MLLT3: variants seen among roughly 807,000 people sequenced by gnomAD.
MLLT3 encodes MLLT3 super elongation complex subunit.
A neutral mutation model predicts 53.2 loss-of-function variants in MLLT3; 4 were observed. The ratio of observed to expected loss-of-function variants is 0.08; its 90% CI spans 0.04 to 0.17. The LOEUF is 0.17. MLLT3 is among the 10% of genes least tolerant of loss of function. MLLT3 has a pLI of 1.00. For missense variants in MLLT3, 569 were observed against 684.0 expected, an observed-to-expected ratio of 0.83 and a Z score of 1.87; for synonymous variants, 283 against 230.6, an observed-to-expected ratio of 1.23 and a Z score of -2.06.
At chr9:20,549,101 C>T (rs1282201109) in intron 2 of MLLT3, among the ~76,000 whole-genome samples, 1 of 152,152 alleles carries the variant, frequency 6.6e-6, no homozygotes, top group African/African-American at 2.4e-5. Context: ...AGGCATTAGC[C>T]ATCACGCCCT....
rs1208848493 is a variant in MLLT3, at chr9:20,621,769, G to T, written c.12+476C>A. On this transcript the variant is annotated intron_variant, in intron 1 of 10. Transcript: ENST00000380338. The surrounding 1 kb of genome is among the most constrained non-coding windows in gnomAD (Gnocchi z 7.0). ...CTCACACACGCGCGCCGCGGAGAACGCACCATCGTAGCGGCCGCGGCGCTT... is the reference window on the plus strand; with the variant it reads ...CTCACACACGCGCGCCGCGGAGAACTCACCATCGTAGCGGCCGCGGCGCTT... The T allele has an allele frequency of 6.7e-7, 1 of 1,486,022 alleles. No homozygotes were observed. The highest frequency in any genetic ancestry group is 8.9e-7 in the Non-Finnish European group (1 of 1,126,778). 92.1% of individuals were successfully genotyped at this position (1,486,022 alleles called of 1,614,324 possible).
At chr9:20,518,678 T>G (rs1817977708) in intron 2 of MLLT3, among the ~76,000 whole-genome samples, 1 of 152,220 alleles carries the variant, frequency 6.6e-6, no homozygotes, top group Admixed American at 6.5e-5. Context: ...TCATGTACCA[T>G]GTACCCCTGA....
At position 20,622,322 on chromosome 9, in the gene MLLT3, C is replaced by T; in HGVS notation, c.-66G>A. The T allele has an allele frequency of 7.2e-7, 1 of 1,387,206 alleles. No individual in the cohort carries two copies. The highest frequency in any genetic ancestry group is 1.5e-5 in the African/African-American group (1 of 67,726). The allele number at this position is 1,387,206 out of a possible 1,614,324, so 85.9% of individuals were successfully genotyped here. A position where few individuals can be genotyped will look rare whatever the true frequency, so the allele number is the denominator to read the frequency against. On this transcript the variant is annotated 5_prime_UTR_variant, in exon 1 of 11. Coordinates refer to ENST00000380338, the MANE Select transcript of MLLT3 (RefSeq NM_004529.4). ...CCCCCCCTCCTCCGCCCCCCCTCAG[C>T]TGTAATTCATGAAGAGGCTGCTATG...
chr9:20,410,792 T>C (rs1423727251), intron 5 of MLLT3: 1 of 152,210 alleles, frequency 6.6e-6, no homozygotes, highest in Non-Finnish European at 1.5e-5. Context: ...AAAATGTTCA[T>C]CTTTTTAAAC....
intron 2 of MLLT3, among the ~76,000 whole-genome samples, chr9:20,527,884 G>T (rs987398162): frequency 6.6e-6 from 1 of 152,128 alleles, no homozygotes; most frequent in Admixed American, 6.5e-5. Flanking sequence ...ATCTTAAGGT[G>T]AACACATTAA....
chr9:20,614,131 A>T (rs913565864), intron 2 of MLLT3, among the ~76,000 whole-genome samples: 1 of 152,322 alleles, frequency 6.6e-6, no homozygotes, highest in East Asian at 1.9e-4. Context: ...GCGGTGCCTC[A>T]TGCCTGTAAT....
intron 2 of MLLT3, among the ~76,000 whole-genome samples, chr9:20,546,076 A>G (rs1238528722): frequency 1.3e-5 from 2 of 152,150 alleles, no homozygotes; most frequent in Non-Finnish European, 1.5e-5. Context: ...GATTATTTTC[A>G]TATTCAACAT....
At position 20,537,377 on chromosome 9, in the gene MLLT3, C is replaced by A. The variant is rs150797444; in HGVS notation, c.194-80591G>T. Among the ~76,000 whole-genome samples, 92 of 152,194 alleles carry A rather than the reference C, an allele frequency of 6.0e-4. No homozygotes were observed. In the East Asian group the frequency reaches 0.016, roughly 26 times the overall value. On this transcript the variant is annotated intron_variant, in intron 2 of 10. Coordinates refer to ENST00000380338, the MANE Select transcript of MLLT3 (RefSeq NM_004529.4). ...TACAATTTACAGAAAATGATGTATT[C>A]TTTTTGTACAAGAAAATATATTTTA... is the stretch of plus-strand genomic sequence containing the variant.
At chr9:20,577,887 T>A (rs1819693498) in intron 2 of MLLT3, among the ~76,000 whole-genome samples, 2 of 152,228 alleles carry the variant, frequency 1.3e-5, no homozygotes, top group South Asian at 4.1e-4. Flanking sequence ...GCAGTTTTCC[T>A]GGCTGGCCAG....
chr9:20,562,156 T>C (rs1234973762), intron 2 of MLLT3, among the ~76,000 whole-genome samples: 11 of 152,200 alleles, frequency 7.2e-5, no homozygotes, highest in Admixed American at 4.6e-4. Context: ...ATGCAAGTTA[T>C]GCTTGTGAAA....
Position 20,506,961 on chromosome 9 carries a change from G to T in MLLT3, c.194-50175C>A, listed in dbSNP as rs79824872. Among the ~76,000 whole-genome samples, 106 of 152,230 alleles carry T rather than the reference G, an allele frequency of 7.0e-4. 1 individual carries two copies. The East Asian group carries it at 0.02, about 28-fold the overall frequency. On this transcript the variant is annotated intron_variant, in intron 2 of 10. Transcript: ENST00000380338. ...TAGGGGGTGGGTATCACTTAAAAAC[G>T]AATCTTTCTCAAACATGTAAAATTA...
intron 2 of MLLT3, among the ~76,000 whole-genome samples, chr9:20,542,360 C>G (rs1285300713): frequency 6.6e-6 from 1 of 151,678 alleles, no homozygotes; most frequent in Non-Finnish European, 1.5e-5. Flanking sequence ...ACGCCATTCT[C>G]CTGCCTCAGC....
chr9:20,416,930 T>C (rs1822886126), intron 4 of MLLT3, among the ~76,000 whole-genome samples: 2 of 152,150 alleles, frequency 1.3e-5, no homozygotes, highest in African/African-American at 4.8e-5. Context: ...TCCATGTTTG[T>C]TCATGTAATA....
chr9:20,369,396 T>G (rs1821537232), intron 5 of MLLT3, among the ~76,000 whole-genome samples: 1 of 152,144 alleles, frequency 6.6e-6, no homozygotes, highest in Admixed American at 6.5e-5. Flanking sequence ...AATTTTAAAT[T>G]TAAGAAAGCA....
chr9:20,347,834 T>A (rs1481989851), intron 10 of MLLT3, among the ~76,000 whole-genome samples: 3 of 152,204 alleles, frequency 2.0e-5, no homozygotes, highest in Admixed American at 1.3e-4. Flanking sequence ...ATAATTTTAA[T>A]TATTGAGCCT....
chr9:20,487,461 G>A (rs532025147), intron 2 of MLLT3, among the ~76,000 whole-genome samples: 36 of 150,492 alleles, frequency 2.4e-4, no homozygotes, highest in African/African-American at 9.0e-4. Flanking sequence ...ATGGCCACTC[G>A]TAAGAGAAAA....
intron 2 of MLLT3, among the ~76,000 whole-genome samples, chr9:20,615,177 C>G (rs1165809179): frequency 3.3e-5 from 5 of 151,702 alleles, no homozygotes; most frequent in Admixed American, 6.6e-5. Flanking sequence ...AACCCCATCT[C>G]TACCAAAAAC....
intron 4 of MLLT3, among the ~76,000 whole-genome samples, chr9:20,438,635 C>G (rs1042861142): frequency 1.3e-5 from 2 of 152,058 alleles, no homozygotes; most frequent in African/African-American, 4.8e-5. Flanking sequence ...AGGTCTCACT[C>G]TGTGGCCCAG....
chr9:20,434,704 G>A lies in MLLT3; in HGVS notation c.420+13419C>T, dbSNP rs184543840. On this transcript the variant is annotated intron_variant, in intron 4 of 10. Coordinates refer to ENST00000380338, the MANE Select transcript of MLLT3 (RefSeq NM_004529.4). Reference sequence around the variant, plus strand: ...CAAGCCTTTTCTAATAAAAGGAAAGGCAGTGGTTTTCTCTCAAAAATGCCA... The same window carrying A: ...CAAGCCTTTTCTAATAAAAGGAAAGACAGTGGTTTTCTCTCAAAAATGCCA... 2.0e-5 allele frequency among the ~76,000 whole-genome samples: 3 copies of A among 152,252 alleles called. No homozygotes were observed. The East Asian group carries it at 5.8e-4, about 29-fold the overall frequency.
Sources: gnomAD v4.1 joint callset for allele counts (sites outside exome capture counted in the v4.1 genomes callset) on GRCh38, gnomAD v4.1.1 for gene constraint, Gnocchi (gnomAD v3.1) non-coding constraint, MANE v1.5 for transcripts, NCBI Gene and HGNC (gene_info 2026-07-23, HGNC 2026-07-21) for gene names.